CEP85: variants seen among roughly 807,000 people sequenced by gnomAD.
The protein encoded by CEP85 is centrosomal protein of 85 kDa.
Under a neutral mutation model 93.7 loss-of-function variants are expected in CEP85, and 58 were observed. The observed-to-expected ratio is 0.62, with a 90% CI of 0.50 to 0.77. CEP85 has a LOEUF of 0.77. CEP85 is among the 30% of genes least tolerant of loss of function. CEP85 has a pLI of 0.00. For missense variants in CEP85, 868 were observed against 922.0 expected (o/e 0.94, Z 0.76); for synonymous variants, 314 against 338.6 (o/e 0.93, Z 0.80).
chr1:26,272,329 G>C (rs2089987200), intron 11 of CEP85: 1 of 478,152 alleles, frequency 2.1e-6, no homozygotes, highest in South Asian at 3.1e-5. Flanking sequence ...GGAGGTAAAA[G>C]AGAGGTTTCT....
intron 7 of CEP85, among the ~76,000 whole-genome samples, chr1:26,263,994 TA>T (rs1242883655): frequency 6.6e-6 from 1 of 152,238 alleles, no homozygotes; most frequent in Admixed American, 6.5e-5. Flanking sequence ...GTCCCCCGTG[TA>T]CACCAAGGGA....
intron 2 of CEP85, among the ~76,000 whole-genome samples, chr1:26,242,083 A>G (rs1323428932): frequency 6.6e-6 from 1 of 152,142 alleles, no homozygotes; most frequent in Non-Finnish European, 1.5e-5. Flanking sequence ...TTAAACTTCA[A>G]TTTTGAAATA....
At chr1:26,265,173 A>G (rs541817021) in intron 7 of CEP85, among the ~76,000 whole-genome samples, 2 of 151,904 alleles carry the variant, frequency 1.3e-5, no homozygotes, top group East Asian at 3.9e-4. Context: ...TAGTAGAGAC[A>G]GGATTTTGCC....
At chr1:26,266,133 C>A (rs563588266) in intron 7 of CEP85, among the ~76,000 whole-genome samples, 1 of 151,824 alleles carries the variant, frequency 6.6e-6, no homozygotes, top group African/African-American at 2.4e-5. Context: ...CGCTTGAACC[C>A]GGGAGGTGGA....
At chr1:26,250,925 CTT>C (rs71581048) in intron 3 of CEP85, among the ~76,000 whole-genome samples, 13 of 55,132 alleles carry the variant, frequency 2.4e-4, no homozygotes, top group South Asian at 2.1e-3. Flanking sequence ...TTTTTTTTTT[CTT>C]TTTTCTTTTT....
intron 7 of CEP85, chr1:26,263,289 C>T (rs2089841570): frequency 5.8e-6 from 2 of 343,564 alleles, no homozygotes; most frequent in Non-Finnish European, 1.1e-5. Flanking sequence ...TTGCAAGTCC[C>T]TCACTATTGC....
chr1:26,273,862 A>G (rs545083252), intron 11 of CEP85, among the ~76,000 whole-genome samples: 56 of 151,684 alleles, frequency 3.7e-4, no homozygotes, highest in African/African-American at 1.2e-3. Flanking sequence ...ACGCCACTGC[A>G]CTCCAGCCAG....
At chr1:26,243,476 A>G (rs143993163) in intron 2 of CEP85, among the ~76,000 whole-genome samples, 2,097 of 152,246 alleles carry the variant, frequency 0.014, 116 homozygotes, top group Admixed American at 0.1. Context: ...TGGAATCAGA[A>G]AGAACTGGAT....
chr1:26,243,163 G>A (rs554995986), intron 2 of CEP85, among the ~76,000 whole-genome samples: 2 of 139,002 alleles, frequency 1.4e-5, no homozygotes, highest in African/African-American at 5.4e-5. Context: ...ATGGGGTTTC[G>A]CTCTTGTTGC....
In CEP85 at chr1:26,244,244, G is replaced by T. The variant is rs776749825; in HGVS notation, c.134G>T (p.Arg45Leu). Reference sequence around the variant, plus strand: ...GTTATCTCGGAGCCCTTTCGGAGCCGCTTCAGCCGCTGTTCAAGTGTAGCC... The same window carrying T: ...GTTATCTCGGAGCCCTTTCGGAGCCTCTTCAGCCGCTGTTCAAGTGTAGCC... ...TPVISEPFRS[R>L]FSRCSSVADS... Residue 45 changes from arginine to leucine, a missense_variant, in exon 3 of 14, where the codon CGC (arginine) becomes CTC (leucine). Transcript: ENST00000451429. 1.2e-6 allele frequency: 2 copies of T among 1,613,774 alleles called. No individual in the cohort carries two copies. The highest frequency in any genetic ancestry group is 1.7e-5 in the Admixed American group (1 of 59,988).
At chr1:26,249,204 T>C (rs4512634) in intron 3 of CEP85, among the ~76,000 whole-genome samples, 133,508 of 152,192 alleles carry the variant, frequency 0.88, 59,514 homozygotes, top group Non-Finnish European at 0.93. Flanking sequence ...GCCTCAGCCT[T>C]CTGAGTAGTT....
intron 2 of CEP85, 129 bp from the exon 3 acceptor site, chr1:26,244,037 A>G: frequency 4.3e-6 from 3 of 698,232 alleles, no homozygotes; most frequent in Non-Finnish European, 6.7e-6. Context: ...AGCAGCTGAA[A>G]TAGGCACAGG....
chr1:26,274,314 A>ACAGGAACTG (rs1312556090), intron 11 of CEP85, among the ~76,000 whole-genome samples: 8 of 152,298 alleles, frequency 5.3e-5, no homozygotes, highest in Non-Finnish European at 1.2e-4. Context: ...CTCCTAAAAG[A>ACAGGAACTG]CAGGAACTGT....
At chr1:26,237,963 A>G (rs2089353162) in intron 1 of CEP85, among the ~76,000 whole-genome samples, 1 of 152,086 alleles carries the variant, frequency 6.6e-6, no homozygotes, top group Non-Finnish European at 1.5e-5. Context: ...TTATTACTGA[A>G]CAAAGCTTCC....
Position 26,244,336 on chromosome 1 carries a change from A to G in CEP85, c.208+18A>G, listed in dbSNP as rs376924614. On this transcript the variant is annotated intron_variant, in intron 3 of 13. Transcript: ENST00000451429. Reference sequence around the variant, plus strand: ...TGCGGAGGGTAAGTTTGTATTAATGATTTGATTACCAATATGTGTTCTCAT... The same window carrying G: ...TGCGGAGGGTAAGTTTGTATTAATGGTTTGATTACCAATATGTGTTCTCAT... The G allele has an allele frequency of 3.7e-6, 6 of 1,607,110 alleles. No homozygotes were observed. In the African/African-American group the frequency reaches 8.0e-5, roughly 22 times the overall value.
At chr1:26,250,824 A>G (rs1475498480) in intron 3 of CEP85, among the ~76,000 whole-genome samples, 1 of 152,026 alleles carries the variant, frequency 6.6e-6, no homozygotes, top group Admixed American at 6.6e-5. Context: ...TGAGAAGTCC[A>G]AAGGCATAGT....
intron 12 of CEP85, among the ~76,000 whole-genome samples, chr1:26,276,065 CTT>C (rs2090048920): frequency 1.4e-5 from 2 of 147,722 alleles, no homozygotes; most frequent in African/African-American, 5.0e-5. Context: ...TTCTTACTCT[CTT>C]TATTCCTCTG....
chr1:26,275,501 C>G (rs1045979517), intron 12 of CEP85, among the ~76,000 whole-genome samples: 21 of 152,232 alleles, frequency 1.4e-4, no homozygotes, highest in African/African-American at 5.1e-4. Flanking sequence ...GAATGGTCTT[C>G]ATCTCCTGAC....
intron 1 of CEP85, among the ~76,000 whole-genome samples, chr1:26,235,722 G>A (rs1403327104): frequency 3.9e-5 from 6 of 151,988 alleles, no homozygotes; most frequent in South Asian, 2.1e-4. Context: ...ACAGGCATGC[G>A]CCACCATGCA....
Sources: allele counts gnomAD v4.1 joint callset (sites outside exome capture counted in the v4.1 genomes callset), GRCh38; gene constraint gnomAD v4.1.1; transcripts MANE v1.5; gene names NCBI Gene and HGNC (gene_info 2026-07-23, HGNC 2026-07-21).